Variants in EFHC2 observed in about 807,000 individuals in gnomAD.
EFHC2 encodes EF-hand domain containing 2.
A neutral mutation model predicts 52.7 loss-of-function variants in EFHC2; 18 were observed. The observed-to-expected ratio is 0.34, with a 90% confidence interval of 0.24 to 0.51. The LOEUF is 0.51. Among genes scored for constraint, EFHC2 ranks in the 20% least tolerant of loss-of-function variants. The pLI, the probability that EFHC2 is intolerant of heterozygous loss-of-function variation, is 0.97. For synonymous variants in EFHC2, 203 were observed against 204.1 expected, an observed-to-expected ratio of 0.99 and a Z score of 0.04; for missense variants, 513 against 562.5, an observed-to-expected ratio of 0.91 and a Z score of 0.89.
chrX:44,179,453 T>C (rs1302542966), intron 11 of EFHC2, among the ~76,000 whole-genome samples: 1 of 111,487 alleles, frequency 9.0e-6, no homozygotes, highest in African/African-American at 3.3e-5. Flanking sequence ...TAGAAAGAGG[T>C]CTTTCAGAAT....
intron 11 of EFHC2, among the ~76,000 whole-genome samples, chrX:44,220,648 C>A (rs1335101): frequency 0.46 from 50,925 of 110,559 alleles, 8,591 homozygotes; most frequent in African/African-American, 0.57. Context: ...TCTGTTATGC[C>A]TATGTGGTCT....
chrX:44,219,310 G>A (rs762858892), intron 11 of EFHC2, among the ~76,000 whole-genome samples: 2 of 110,740 alleles, frequency 1.8e-5, no homozygotes, highest in Non-Finnish European at 3.8e-5. Context: ...TTGCACAAGC[G>A]TACATTTGTC....
intron 2 of EFHC2, among the ~76,000 whole-genome samples, chrX:44,279,993 C>A (rs2037689848): frequency 1.9e-5 from 2 of 106,449 alleles, no homozygotes; most frequent in African/African-American, 7.0e-5. Flanking sequence ...CCACCACCAG[C>A]CCCCCAACCC....
At chrX:44,235,218 C>G in intron 9 of EFHC2, 87 bp downstream of exon 9, 1 of 869,837 alleles carries the variant, frequency 1.1e-6, no homozygotes, top group South Asian at 4.3e-5. Context: ...ATCTAAGCTA[C>G]AAAATCAGAT....
chrX:44,306,885 G>T (rs955468575), intron 2 of EFHC2, among the ~76,000 whole-genome samples: 1 of 112,293 alleles, frequency 8.9e-6, no homozygotes, highest in African/African-American at 3.2e-5. Context: ...AATGAACCGC[G>T]CAAGCAAGGA....
Position 44,199,511 on chromosome X carries a change from A to T in EFHC2, c.1752-20947T>A, listed in dbSNP as rs2036991191. ...TAACATGAAATTAGACCAGTTTATA[A>T]GCTAGCCTGGAAAGGTAAAATCAAA... On this transcript the variant is annotated intron_variant, in intron 11 of 14. Transcript: ENST00000420999. 2.7e-5 allele frequency among the ~76,000 whole-genome samples: 3 copies of T among 112,827 alleles called. No individual in the cohort carries two copies. In the South Asian group the frequency reaches 1.1e-3, roughly 41 times the overall value.
At chrX:44,187,810 A>C (rs1380697917) in intron 11 of EFHC2, among the ~76,000 whole-genome samples, 1 of 110,088 alleles carries the variant, frequency 9.1e-6, no homozygotes, top group Admixed American at 9.7e-5. Context: ...AGTAAAATAA[A>C]AATTTAAAAG....
chrX:44,244,410 C>A (rs2037383525), intron 7 of EFHC2, among the ~76,000 whole-genome samples: 1 of 111,921 alleles, frequency 8.9e-6, no homozygotes, highest in South Asian at 3.7e-4. Flanking sequence ...CAGCATCCTG[C>A]GTGTTTTAGG....
At chrX:44,167,565 A>G (rs2036705495) in intron 13 of EFHC2, among the ~76,000 whole-genome samples, 1 of 112,714 alleles carries the variant, frequency 8.9e-6, no homozygotes, top group Non-Finnish European at 1.9e-5. Flanking sequence ...GATATTCAGG[A>G]AGGTCCACTG....
chrX:44,294,459 A>G (rs976956219), intron 2 of EFHC2, among the ~76,000 whole-genome samples: 8 of 111,233 alleles, frequency 7.2e-5, no homozygotes, highest in Non-Finnish European at 1.3e-4. Context: ...TTGTTCTATA[A>G]TTCTAGTAAT....
At chrX:44,318,456 A>G (rs960069399) in intron 1 of EFHC2, among the ~76,000 whole-genome samples, 3 of 112,130 alleles carry the variant, frequency 2.7e-5, no homozygotes, top group Non-Finnish European at 5.6e-5. Context: ...CAGTGGGGAC[A>G]GCTGCACAGC....
rs192485593 is a variant in EFHC2 at position 44,189,263 on chromosome X, A to C, written c.1752-10699T>G. On this transcript the variant is annotated intron_variant, in intron 11 of 14. Coordinates refer to ENST00000420999, the MANE Select transcript of EFHC2 (RefSeq NM_025184.4). ...TGATCTGCTTCACACACATAGACTC[A>C]TTTAACCCTCATGACAATCCTTTCA... 1.1e-4 allele frequency among the ~76,000 whole-genome samples: 12 copies of C among 111,556 alleles called. No individual in the cohort carries two copies. In the East Asian group the frequency reaches 3.4e-3, roughly 31 times the overall value.
intron 13 of EFHC2, among the ~76,000 whole-genome samples, 170 bp downstream of exon 13, chrX:44,176,122 A>G (rs1406256828): frequency 8.9e-6 from 1 of 112,692 alleles, no homozygotes; most frequent in Admixed American, 9.4e-5. Flanking sequence ...ATTCAAAATC[A>G]AGACAAACTT....
In EFHC2 at chrX:44,148,801, C is replaced by CGAA. The variant is rs1427580433; in HGVS notation, c.2243_2244insTTC (p.Glu748delinsAspSer). 32 of 1,176,369 alleles carry CGAA rather than the reference C, an allele frequency of 2.7e-5. No individual in the cohort carries two copies. Among genetic ancestry groups the CGAA allele is most frequent in the Non-Finnish European group, 3.6e-5 (32 of 877,235 alleles). On this transcript the variant is annotated protein_altering_variant, in exon 15 of 15. Coordinates refer to ENST00000420999, the MANE Select transcript of EFHC2 (RefSeq NM_025184.4). ...TTGACCAAAACTGGCATGGTTATTC[C>CGAA]TCCTCTAAGCCAAACGCGTCCTTCA...
chrX:44,264,331 T>C (rs1292661620), intron 3 of EFHC2, among the ~76,000 whole-genome samples: 1 of 111,565 alleles, frequency 9.0e-6, no homozygotes, highest in African/African-American at 3.3e-5. Flanking sequence ...AAGCTGCTCT[T>C]CCGAAAGAAC....
chrX:44,309,679 C>A, intron 2 of EFHC2: 1 of 1,080,924 alleles, frequency 9.3e-7, no homozygotes, highest in Non-Finnish European at 1.3e-6. Context: ...ACAGTGTAAA[C>A]CCTCTTCTCT....
intron 9 of EFHC2, among the ~76,000 whole-genome samples, chrX:44,232,946 A>T (rs751025402): frequency 9.0e-6 from 1 of 111,694 alleles, no homozygotes; most frequent in Non-Finnish European, 1.9e-5. Context: ...AGGCACGAGG[A>T]TCACTTGAGG....
intron 11 of EFHC2, among the ~76,000 whole-genome samples, chrX:44,220,478 T>A (rs998695948): frequency 8.9e-6 from 1 of 111,860 alleles, no homozygotes; most frequent in African/African-American, 3.2e-5. Context: ...TCAGCCTCAG[T>A]CTCTGAGTGG....
chrX:44,254,729 C>T (rs1178251590), intron 4 of EFHC2, among the ~76,000 whole-genome samples: 1 of 111,966 alleles, frequency 8.9e-6, no homozygotes, highest in Admixed American at 9.4e-5. Context: ...ACTTCCCCAA[C>T]CTAGCAAGAC....
Sources: allele counts gnomAD v4.1 joint callset (sites outside exome capture counted in the v4.1 genomes callset), GRCh38; gene constraint gnomAD v4.1.1; transcripts MANE v1.5; gene names NCBI Gene and HGNC (gene_info 2026-07-23, HGNC 2026-07-21).